TMC3: variants seen among roughly 807,000 people sequenced by gnomAD.
TMC3 encodes the protein transmembrane channel like 3.
TMC3 carries 98 observed loss-of-function variants against 110.6 expected under a neutral mutation model. The ratio of observed to expected loss-of-function variants is 0.89; its 90% CI spans 0.75 to 1.05. The LOEUF (loss-of-function observed/expected upper bound fraction) is 1.05. TMC3 is among the 50% of genes least tolerant of loss of function. The pLI, the probability that TMC3 is intolerant of heterozygous loss-of-function variation, is 0.00. For missense variants in TMC3, 1,319 were observed against 1,373.2 expected, an observed-to-expected ratio of 0.96 and a Z score of 0.62; for synonymous variants, 489 against 513.1, an observed-to-expected ratio of 0.95 and a Z score of 0.63.
chr15:81,338,684 C>T lies in TMC3; in HGVS notation c.2052G>A (p.Val684=), dbSNP rs1426257938. The T allele has an allele frequency of 6.2e-7, 1 of 1,613,992 alleles. No individual in the cohort carries two copies. Among genetic ancestry groups the T allele is most frequent in the East Asian group, 2.2e-5 (1 of 44,894 alleles). The change falls in exon 18 of 22, where the codon GTG becomes GTA. Residue 684 remains valine (V), a synonymous_variant. Coordinates refer to ENST00000359440, the MANE Select transcript of TMC3 (RefSeq NM_001080532.3). ...GSVVGHISSP[V]VILPAVLLLF... ...GCAGGAGTACTGCGGGCAGGATGACCACGGGGCTACTGATGTGTCCAACCA... is the reference window on the plus strand; with the variant it reads ...GCAGGAGTACTGCGGGCAGGATGACTACGGGGCTACTGATGTGTCCAACCA...
At chr15:81,355,704 A>T (rs1222832424) in intron 9 of TMC3, 21 bp downstream of exon 9, 1 of 1,538,054 alleles carries the variant, frequency 6.5e-7, no homozygotes, top group Admixed American at 1.8e-5. Flanking sequence ...TGAATTCAGC[A>T]TGGGGAGTAA....
rs1248041441 is a variant in TMC3 at position 81,362,282 on chromosome 15, C to T, written c.332G>A (p.Arg111His). 17 of 1,612,226 alleles carry T rather than the reference C, an allele frequency of 1.1e-5. No homozygotes were observed. Among genetic ancestry groups the T allele is most frequent in the Admixed American group, 5.0e-5 (3 of 59,832 alleles). ...AGAELWRKFA[R>H]LACNFVVIFI... ...GATGACCACAAAGTTACAGGCGAGA[C>T]GAGCAAATTTCCGCCAGAGCTAGAC... Residue 111 changes from arginine to histidine, a missense_variant, in exon 4 of 22, where the codon CGT becomes CAT. Coordinates refer to ENST00000359440, the MANE Select transcript of TMC3 (RefSeq NM_001080532.3).
intron 2 of TMC3, among the ~76,000 whole-genome samples, chr15:81,371,532 A>C (rs982218230): frequency 3.9e-5 from 6 of 152,182 alleles, no homozygotes; most frequent in African/African-American, 1.4e-4. Context: ...CTTTGCCAGG[A>C]AGCTCCACAG....
rs769206384 is a variant in TMC3 at position 81,332,705 on chromosome 15, C to T, written c.3017G>A (p.Arg1006Lys). The T allele has an allele frequency of 5.0e-5, 80 of 1,613,914 alleles. No individual in the cohort carries two copies. The highest frequency in any genetic ancestry group is 6.6e-5 in the Non-Finnish European group (78 of 1,179,882). ...TGGCTTTCTGGGCACATAGGCTGGC[C>T]TCTCAAGGTGACCCTCAAAATCTTC... ...WNEDFEGHLE[R>K]PAYVPRKPRS... Residue 1006 changes from arginine (R) to lysine (K), a missense_variant, in exon 22 of 22, where the codon AGG becomes AAG. By Grantham distance (26) the Arg-to-Lys change is conservative. Coordinates refer to ENST00000359440, the MANE Select transcript of TMC3 (RefSeq NM_001080532.3).
intron 11 of TMC3, 101 bp downstream of exon 11, chr15:81,349,357 G>A: frequency 1.6e-6 from 1 of 629,856 alleles, no homozygotes; most frequent in Non-Finnish European, 2.4e-6. Context: ...GATTGTCTGA[G>A]AGAAAAGAAG....
Position 81,332,620 on chromosome 15 carries a change from G to A in TMC3, c.3102C>T (p.Phe1034=). Residue 1034 remains phenylalanine (F), a synonymous_variant, in exon 22 of 22, where the codon TTC becomes TTT. Transcript: ENST00000359440. ...PPLKPRGKPR[F]EPSLTESDSV... is the part of the protein sequence containing the mutation. ...AGTCAGATTCCGTGAGGGATGGCTC[G>A]AACCTGGGCTTCCCTCTGGGCTTCA... is the stretch of plus-strand genomic sequence containing the variant. The A allele has an allele frequency of 6.2e-7, 1 of 1,613,990 alleles. No homozygotes were observed. The highest frequency in any genetic ancestry group is 8.5e-7 in the Non-Finnish European group (1 of 1,179,898).
At chr15:81,354,116 CA>C (rs1253116691) in intron 9 of TMC3, among the ~76,000 whole-genome samples, 2 of 152,202 alleles carry the variant, frequency 1.3e-5, no homozygotes, top group Non-Finnish European at 2.9e-5. Flanking sequence ...CACTGGAGGA[CA>C]ACTCCCTGTC....
At chr15:81,356,637 TA>T in intron 7 of TMC3, 43 bp from the exon 8 acceptor site, 3 of 1,555,362 alleles carry the variant, frequency 1.9e-6, no homozygotes, top group Non-Finnish European at 2.6e-6. Flanking sequence ...GTCTCAGGAA[TA>T]GGGGGCTGTA....
chr15:81,339,592 G>T, intron 16 of TMC3, 88 bp from the exon 17 acceptor site: 1 of 1,022,710 alleles, frequency 9.8e-7, no homozygotes, highest in Non-Finnish European at 1.5e-6. Context: ...CACAGAAACG[G>T]TTGCCCTGAC....
rs1396566885 is a variant in TMC3 at position 81,368,448 on chromosome 15, G to T, written c.237-120C>A. On this transcript the variant is annotated intron_variant, in intron 2 of 21. Coordinates refer to ENST00000359440, the MANE Select transcript of TMC3 (RefSeq NM_001080532.3). ...TGTCCTGAAAAATGATACAGCAAAAGATGCCATGAGAGAATGGAGTTACAC... is the reference window on the plus strand; with the variant it reads ...TGTCCTGAAAAATGATACAGCAAAATATGCCATGAGAGAATGGAGTTACAC... 4 of 699,472 alleles carry T rather than the reference G, an allele frequency of 5.7e-6. No individual in the cohort carries two copies. The African/African-American group carries it at 7.0e-5, about 12-fold the overall frequency. The allele number at this position is 699,472 out of a possible 1,614,324, so 43.3% of individuals were successfully genotyped here.
rs1486559920 is a variant in TMC3, at chr15:81,341,419, C to G, written c.1815G>C (p.Val605=). The change falls in exon 16 of 22, where the codon GTG becomes GTC. Residue 605 remains valine (V), a synonymous_variant. Coordinates refer to ENST00000359440, the MANE Select transcript of TMC3 (RefSeq NM_001080532.3). ...LRSWAVLTCN[V]PHQQVFRASR... ...AGGCTCGAAATACTTGCTGGTGGGG[C>G]ACATTGCAGGTCAGCACAGCCCAGC... The G allele has an allele frequency of 6.2e-7, 1 of 1,611,744 alleles. No individual in the cohort carries two copies. Among genetic ancestry groups the G allele is most frequent in the East Asian group, 2.2e-5 (1 of 44,806 alleles).
chr15:81,355,100 G>A (rs74591676), intron 9 of TMC3, among the ~76,000 whole-genome samples: 259 of 152,252 alleles, frequency 1.7e-3, no homozygotes, highest in Non-Finnish European at 3.2e-3. Context: ...GAGGCTGGGT[G>A]TGTTTCCTTA....
intron 9 of TMC3, among the ~76,000 whole-genome samples, chr15:81,352,763 C>T (rs1893977831): frequency 6.6e-6 from 1 of 152,148 alleles, no homozygotes; most frequent in African/African-American, 2.4e-5. Context: ...ATTGATTATC[C>T]TGACTCCGTG....
At chr15:81,358,122 G>A (rs1954158396) in intron 7 of TMC3, 27 bp downstream of exon 7, 4 of 1,558,074 alleles carry the variant, frequency 2.6e-6, no homozygotes, top group African/African-American at 1.4e-5. Context: ...CGCTTGATAT[G>A]TATTTTGAGA....
At chr15:81,365,066 T>A (rs1365119000) in intron 3 of TMC3, among the ~76,000 whole-genome samples, 1 of 152,214 alleles carries the variant, frequency 6.6e-6, no homozygotes, top group Admixed American at 6.5e-5. Context: ...TTATTATATG[T>A]CAGTATCTCC....
At position 81,344,914 on chromosome 15, in the gene TMC3, C is replaced by A. The variant is rs374367495; in HGVS notation, c.1370G>T (p.Arg457Leu). 10 of 1,613,682 alleles carry A rather than the reference C, an allele frequency of 6.2e-6. No homozygotes were observed. The highest frequency in any genetic ancestry group is 1.7e-5 in the Admixed American group (1 of 59,992). ...GTTTCTCCTGAGCCCCATTCCAGGC[C>A]GAGATGTGGACCATTTCTCTTCTTC... ...APEEEKWSTSRPGMGLRRNNT... is the reference protein window; with the variant it reads ...APEEEKWSTSLPGMGLRRNNT... Residue 457 changes from arginine to leucine, a missense_variant, in exon 13 of 22, where the codon CGG (arginine) becomes CTG (leucine). Coordinates refer to ENST00000359440, the MANE Select transcript of TMC3 (RefSeq NM_001080532.3).
intron 11 of TMC3, among the ~76,000 whole-genome samples, chr15:81,346,870 C>T (rs1007350039): frequency 6.6e-6 from 1 of 152,168 alleles, no homozygotes; most frequent in Non-Finnish European, 1.5e-5. Context: ...TGTATTGAAG[C>T]GCAGAGGGAG....
At chr15:81,363,742 T>C (rs1894243421) in intron 3 of TMC3, among the ~76,000 whole-genome samples, 2 of 152,232 alleles carry the variant, frequency 1.3e-5, no homozygotes, top group Non-Finnish European at 2.9e-5. Flanking sequence ...ATGTTTATCA[T>C]ATCCTACCTT....
chr15:81,362,164 T>A, intron 4 of TMC3, 56 bp downstream of exon 4: 1 of 1,467,580 alleles, frequency 6.8e-7, no homozygotes, highest in South Asian at 1.2e-5. Context: ...CTCCTTAGGC[T>A]GTGACTGGCC....
Sources: allele counts gnomAD v4.1 joint callset (sites outside exome capture counted in the v4.1 genomes callset), GRCh38; gene constraint gnomAD v4.1.1; transcripts MANE v1.5; gene names NCBI Gene and HGNC (gene_info 2026-07-23, HGNC 2026-07-21).